The following ZNF512 variants were observed in gnomAD, a reference collection of about 807,000 sequenced individuals.
ZNF512 encodes zinc finger protein 512.
In ZNF512, 25 loss-of-function variants were observed where a neutral mutation model predicts 77.5. That is an observed-to-expected ratio of 0.32 (90% CI 0.23 to 0.45). The LOEUF (loss-of-function observed/expected upper bound fraction) is 0.45. ZNF512 is among the 20% of genes least tolerant of loss of function. ZNF512 has a pLI of 1.00. For synonymous variants in ZNF512, 246 were observed against 239.9 expected, an observed-to-expected ratio of 1.03 and a Z score of -0.24; for missense variants, 483 against 692.6, an observed-to-expected ratio of 0.70 and a Z score of 3.40.
chr2:27,590,653 C>G (rs1671530194), intron 2 of ZNF512, among the ~76,000 whole-genome samples: 1 of 152,008 alleles, frequency 6.6e-6, no homozygotes, highest in Non-Finnish European at 1.5e-5. Context: ...TATTTGAATG[C>G]TTAGTGTCTG....
chr2:27,609,552 A>AC (rs1672518140), intron 10 of ZNF512, among the ~76,000 whole-genome samples: 2 of 151,826 alleles, frequency 1.3e-5, no homozygotes, highest in Non-Finnish European at 2.9e-5. Context: ...ACATGATGAA[A>AC]CCCCGTCTCT....
At chr2:27,586,787 G>C (rs899952886) in intron 2 of ZNF512, among the ~76,000 whole-genome samples, 1 of 151,924 alleles carries the variant, frequency 6.6e-6, no homozygotes, top group African/African-American at 2.4e-5. Flanking sequence ...TCCTGTCCAC[G>C]GGCACCACTG....
intron 2 of ZNF512, among the ~76,000 whole-genome samples, chr2:27,593,210 AC>A (rs1671675837): frequency 2.1e-5 from 3 of 145,482 alleles, no homozygotes; most frequent in Non-Finnish European, 4.5e-5. Flanking sequence ...ACACACACAC[AC>A]ACACACACAC....
chr2:27,592,550 A>C (rs1267475457), intron 2 of ZNF512, among the ~76,000 whole-genome samples: 1 of 151,106 alleles, frequency 6.6e-6, no homozygotes, highest in Non-Finnish European at 1.5e-5. Flanking sequence ...CCTGACCTCA[A>C]GTGATCTGCC....
At chr2:27,603,430 G>T in intron 9 of ZNF512, 123 bp downstream of exon 9, 2 of 1,000,800 alleles carry the variant, frequency 2.0e-6, no homozygotes, top group Admixed American at 5.0e-5. Context: ...CTGAATGCTT[G>T]TGTGTTGTCT....
In ZNF512 at chr2:27,608,028, G is replaced by C; in HGVS notation, c.1120G>C (p.Asp374His). ...KRKVLQDLVP[D>H]DRKLKYTRPG... ...GAAGGTGCTTCAGGACCTGGTACCTGATGATCGAAAGGTAAGGCAGAAACA... is the reference window on the plus strand; with the variant it reads ...GAAGGTGCTTCAGGACCTGGTACCTCATGATCGAAAGGTAAGGCAGAAACA... The change falls in exon 10 of 14, where the codon GAT becomes CAT. Residue 374 changes from aspartate (D) to histidine (H), a missense_variant. By Grantham distance (81) the Asp-to-His change is moderately conservative. Around this residue, in one of 2 missense-constraint regions of ZNF512, gnomAD observed 324 missense variants for 525.0 expected, o/e 0.62. Transcript: ENST00000355467. The C allele has an allele frequency of 6.4e-7, 1 of 1,572,692 alleles. No homozygotes were observed. The highest frequency in any genetic ancestry group is 8.6e-7 in the Non-Finnish European group (1 of 1,162,940).
chr2:27,586,917 C>T (rs767253676), intron 2 of ZNF512, among the ~76,000 whole-genome samples: 6 of 152,114 alleles, frequency 3.9e-5, no homozygotes, highest in Non-Finnish European at 7.4e-5. Context: ...GTTTTTATTG[C>T]TGGGTAGAAT....
chr2:27,602,637 C>T (rs1672172648), intron 8 of ZNF512, 76 bp downstream of exon 8: 1 of 1,299,004 alleles, frequency 7.7e-7, no homozygotes, highest in Admixed American at 2.4e-5. Flanking sequence ...TCCATTTCTT[C>T]TCTTCCTCAT....
rs1671213684 is a variant in ZNF512 at position 27,583,702 on chromosome 2, C to T, written c.75C>T (p.Ile25=). The T allele has an allele frequency of 6.2e-7, 1 of 1,613,930 alleles. No individual in the cohort carries two copies. The highest frequency in any genetic ancestry group is 1.7e-5 in the Admixed American group (1 of 59,936). Residue 25 remains isoleucine, a synonymous_variant, in exon 2 of 14, where the codon ATC becomes ATT. Transcript: ENST00000355467. The part of the protein sequence containing the change: ...TTFKQQRSTR[I]VGAKNSRTQC... Reference sequence around the variant, plus strand: ...TTAAGCAGCAGAGGAGCACGAGGATCGTGGGAGCTAAGAAGTAAGTGAGGT... The same window carrying T: ...TTAAGCAGCAGAGGAGCACGAGGATTGTGGGAGCTAAGAAGTAAGTGAGGT...
At chr2:27,598,564 G>A (rs1477434750) in intron 3 of ZNF512, among the ~76,000 whole-genome samples, 3 of 151,804 alleles carry the variant, frequency 2.0e-5, no homozygotes, top group Non-Finnish European at 4.4e-5. Flanking sequence ...GGGAGGCAGA[G>A]GTTGCACTGA....
intron 2 of ZNF512, among the ~76,000 whole-genome samples, chr2:27,593,721 G>A (rs936453826): frequency 6.6e-6 from 1 of 151,448 alleles, no homozygotes; most frequent in African/African-American, 2.4e-5. Flanking sequence ...ACCAAACGTG[G>A]GGGATTTTCC....
At chr2:27,588,622 A>T (rs1219688507) in intron 2 of ZNF512, among the ~76,000 whole-genome samples, 2 of 151,940 alleles carry the variant, frequency 1.3e-5, no homozygotes, top group Non-Finnish European at 2.9e-5. Context: ...TGTTCTACTG[A>T]TGTTTATTTA....
chr2:27,591,304 T>C (rs1237579411), intron 2 of ZNF512, among the ~76,000 whole-genome samples: 1 of 152,236 alleles, frequency 6.6e-6, no homozygotes, highest in African/African-American at 2.4e-5. Flanking sequence ...CAATGTGAAA[T>C]CACATCATGG....
In ZNF512 at chr2:27,583,058, G is replaced by A. The variant is rs1671179662; in HGVS notation, c.-55G>A. ...ACATCCGGGAGAGGAGAGCGGAAGT[G>A]GCGTTGGTCTGGCCGGAGCCCTTGG... is the stretch of plus-strand genomic sequence containing the variant. On this transcript the variant is annotated 5_prime_UTR_variant, in exon 1 of 14. Transcript: ENST00000355467. The A allele has an allele frequency of 1.9e-6, 3 of 1,609,106 alleles. No individual in the cohort carries two copies. The highest frequency in any genetic ancestry group is 2.6e-6 in the Non-Finnish European group (3 of 1,175,558).
At position 27,596,982 on chromosome 2, in the gene ZNF512, A is replaced by G. The variant is rs560549349; in HGVS notation, c.90-1085A>G. On this transcript the variant is annotated intron_variant, in intron 2 of 13. Coordinates refer to ENST00000355467, the MANE Select transcript of ZNF512 (RefSeq NM_032434.4). ...GCTTGCTGAACTGACATTGTGCTAG[A>G]GATACTGTTTTGTTTCTTTTTTCAT... 3.3e-5 allele frequency among the ~76,000 whole-genome samples: 5 copies of G among 152,330 alleles called. No homozygotes were observed. In the East Asian group the frequency reaches 9.6e-4, roughly 29 times the overall value.
At position 27,603,294 on chromosome 2, in the gene ZNF512, C is replaced by G; in HGVS notation, c.923C>G (p.Ser308Ter). 1 of 1,613,852 alleles carries G rather than the reference C, an allele frequency of 6.2e-7. No individual in the cohort carries two copies. The highest frequency in any genetic ancestry group is 8.5e-7 in the Non-Finnish European group (1 of 1,179,896). The change falls in exon 9 of 14, where the codon TCA becomes TGA. Residue 308 changes from serine (S) to a stop codon, truncating the protein, a stop_gained. Coordinates refer to ENST00000355467, the MANE Select transcript of ZNF512 (RefSeq NM_032434.4). LOFTEE classifies it high-confidence loss of function. Reference protein sequence around the residue: ...SKAGLAYHLRSEHGPISFFPE... With the variant: ...SKAGLAYHLR ...GCTGGACTTGCATATCACCTGAGGT[C>G]AGAGCATGGGCCTGTGAGTACTGAT...
At chr2:27,594,229 G>A (rs1283387490) in intron 2 of ZNF512, among the ~76,000 whole-genome samples, 1 of 148,306 alleles carries the variant, frequency 6.7e-6, no homozygotes, top group Non-Finnish European at 1.5e-5. Flanking sequence ...GGGCGGCCGG[G>A]CAGAGGCGCT....
chr2:27,599,558 GT>G, intron 3 of ZNF512, 24 bp from the exon 4 acceptor site: 1 of 1,587,170 alleles, frequency 6.3e-7, no homozygotes, highest in Non-Finnish European at 8.6e-7. Context: ...CTGAGTTTTT[GT>G]TTTGTTTTTG....
intron 8 of ZNF512, 66 bp from the exon 9 acceptor site, chr2:27,603,074 T>A: frequency 6.3e-7 from 1 of 1,576,864 alleles, no homozygotes; most frequent in South Asian, 1.2e-5. Flanking sequence ...TTTATGGCTG[T>A]TTAGAAATTT....
Sources: allele counts gnomAD v4.1 joint callset (sites outside exome capture counted in the v4.1 genomes callset), GRCh38; gene constraint gnomAD v4.1.1; regional missense constraint gnomAD v4.1.1; transcripts MANE v1.5; gene names NCBI Gene and HGNC (gene_info 2026-07-23, HGNC 2026-07-21).